Variants in TMEM175 observed in about 807,000 individuals in gnomAD.
TMEM175 encodes endosomal/lysosomal proton channel TMEM175.
A neutral mutation model predicts 36.5 loss-of-function variants in TMEM175; 36 were observed. The observed-to-expected ratio is 0.99, with a 90% CI of 0.76 to 1.30. TMEM175 has a LOEUF of 1.30. Ranked by LOEUF, TMEM175 falls within the 50% of genes most tolerant of loss-of-function variation. The probability of loss-of-function intolerance (pLI) is 0.00; values close to 1 mark genes in which losing one functional copy is unlikely to be tolerated. For missense variants in TMEM175, 705 were observed against 692.8 expected (o/e 1.02, Z -0.20); for synonymous variants, 339 against 313.4 (o/e 1.08, Z -0.86).
intron 1 of TMEM175, among the ~76,000 whole-genome samples, chr4:943,822 C>T (rs753691777): frequency 2.0e-5 from 3 of 152,140 alleles, no homozygotes; most frequent in African/African-American, 2.4e-5. Context: ...TGAAACAATA[C>T]ACACGTTTTT....
chr4:955,720 G>T (rs376468775), intron 9 of TMEM175, 35 bp from the exon 10 acceptor site: 4 of 1,604,220 alleles, frequency 2.5e-6, no homozygotes, highest in Middle Eastern at 3.7e-4. Context: ...CACATGGGGG[G>T]TTTGGCCAGC....
rs34645349 is a variant in TMEM175, at chr4:947,862, C to T, written c.123C>T (p.Asp41=). The part of the protein sequence containing the change: ...QCSQRMLSFS[D]ALLSIIATVM... The stretch of plus-strand genomic sequence containing the variant: ...CCCAACGCATGCTCAGCTTCAGTGA[C>T]GCCCTGCTGTCCATCATCGCCACCG... Residue 41 remains aspartate, a synonymous_variant, in exon 2 of 11, where the codon GAC becomes GAT. Coordinates refer to ENST00000264771, the MANE Select transcript of TMEM175 (RefSeq NM_032326.4). The T allele has an allele frequency of 1.3e-3, 2,081 of 1,613,666 alleles. 5 individuals carry two copies. Among genetic ancestry groups the T allele is most frequent in the Non-Finnish European group, 1.6e-3 (1,875 of 1,180,016 alleles).
chr4:934,938 C>A (rs1243789998), intron 1 of TMEM175, among the ~76,000 whole-genome samples: 1 of 152,150 alleles, frequency 6.6e-6, no homozygotes, highest in East Asian at 1.9e-4. Flanking sequence ...TGAAGGAATT[C>A]TCTAATGACT....
intron 4 of TMEM175, 143 bp from the exon 5 acceptor site, chr4:951,064 C>A (rs751837245): frequency 1.2e-6 from 1 of 827,694 alleles, no homozygotes; most frequent in Non-Finnish European, 2.0e-6. Flanking sequence ...TTCCAAACTC[C>A]GTGCACTAGG....
rs145355643 is a variant in TMEM175, at chr4:958,070, G to A, written c.1089G>A (p.Ser363=). ...GGLPLAYQQT[S]AFARQPRDEL... is the part of the protein sequence containing the mutation. ...TCCCACTAGCCTACCAGCAGACCTC[G>A]GCCTTCGCCCGGCAGCCCCGCGATG... Residue 363 remains serine, a synonymous_variant, in exon 11 of 11, where the codon TCG becomes TCA. Coordinates refer to ENST00000264771, the MANE Select transcript of TMEM175 (RefSeq NM_032326.4). The A allele has an allele frequency of 2.4e-4, 389 of 1,609,306 alleles. 1 individual carries two copies. The highest frequency in any genetic ancestry group is 1.5e-3 in the East Asian group (66 of 44,864).
chr4:952,654 G>A (rs1480322063), intron 7 of TMEM175, among the ~76,000 whole-genome samples: 15 of 145,694 alleles, frequency 1.0e-4, no homozygotes, highest in African/African-American at 3.3e-4. Context: ...GTGTGTGTGT[G>A]TGTGTTCACC....
At chr4:944,343 A>G (rs1393670261) in intron 1 of TMEM175, among the ~76,000 whole-genome samples, 1 of 152,188 alleles carries the variant, frequency 6.6e-6, no homozygotes, top group Non-Finnish European at 1.5e-5. Context: ...CAGAAAACAG[A>G]TCAGTGGTTG....
At chr4:956,726 A>G in intron 10 of TMEM175, 1 of 330,182 alleles carries the variant, frequency 3.0e-6, no homozygotes, top group Non-Finnish European at 5.9e-6. Context: ...TTACAGGTGT[A>G]AGCCACCGTG....
intron 5 of TMEM175, 65 bp downstream of exon 5, chr4:951,323 G>C (rs1333735965): frequency 8.2e-6 from 13 of 1,581,608 alleles, no homozygotes; most frequent in Non-Finnish European, 1.1e-5. Flanking sequence ...TCAGGGAAGA[G>C]GGGAAGGGAG....
intron 1 of TMEM175, among the ~76,000 whole-genome samples, chr4:938,493 G>C (rs1560471653): frequency 6.6e-6 from 1 of 151,978 alleles, no homozygotes; most frequent in Non-Finnish European, 1.5e-5. Flanking sequence ...AACAGAGTGA[G>C]ACTCGGTCTC....
At chr4:951,811 G>A in intron 6 of TMEM175, 94 bp downstream of exon 6, 16 of 1,341,818 alleles carry the variant, frequency 1.2e-5, no homozygotes, top group Non-Finnish European at 1.7e-5. Context: ...ATGGCCCAGG[G>A]CCCAGGCCAC....
At chr4:948,331 C>A in intron 3 of TMEM175, 177 bp downstream of exon 3, 4 of 1,540,330 alleles carry the variant, frequency 2.6e-6, no homozygotes, top group Non-Finnish European at 2.6e-6. Flanking sequence ...TCCTGCTCAG[C>A]CTGTGCTCAC....
chr4:956,255 C>T, intron 10 of TMEM175: 1 of 1,227,260 alleles, frequency 8.1e-7, no homozygotes, highest in Non-Finnish European at 1.0e-6. Flanking sequence ...ACCAGCCCCT[C>T]CTAGTCCCTA....
chr4:946,758 T>C (rs1164485204), intron 1 of TMEM175, among the ~76,000 whole-genome samples: 2 of 152,250 alleles, frequency 1.3e-5, no homozygotes, highest in South Asian at 2.1e-4. Context: ...CGGACTGGAG[T>C]GCCTGCCCTG....
At chr4:947,195 C>T (rs995003859) in intron 1 of TMEM175, among the ~76,000 whole-genome samples, 1 of 145,862 alleles carries the variant, frequency 6.9e-6, no homozygotes, top group Non-Finnish European at 1.5e-5. Flanking sequence ...TGAGGGAGAG[C>T]GCGGCCCCTG....
At position 958,050 on chromosome 4, in the gene TMEM175, C is replaced by T. The variant is rs1729971058; in HGVS notation, c.1069C>T (p.Leu357=). Reference sequence around the variant, plus strand: ...GCTGGCCTTCGTGGGTGGCCTCCCACTAGCCTACCAGCAGACCTCGGCCTT... The same window carrying T: ...GCTGGCCTTCGTGGGTGGCCTCCCATTAGCCTACCAGCAGACCTCGGCCTT... ...LSLAFVGGLP[L]AYQQTSAFAR... Residue 357 remains leucine, a synonymous_variant, in exon 11 of 11, where the codon CTA becomes TTA. Coordinates refer to ENST00000264771, the MANE Select transcript of TMEM175 (RefSeq NM_032326.4). The T allele has an allele frequency of 6.2e-7, 1 of 1,610,738 alleles. No homozygotes were observed. The highest frequency in any genetic ancestry group is 1.6e-4 in the Middle Eastern group (1 of 6,082).
intron 9 of TMEM175, 56 bp downstream of exon 9, chr4:955,539 G>A (rs1729501792): frequency 2.1e-5 from 33 of 1,562,506 alleles, no homozygotes; most frequent in Non-Finnish European, 2.8e-5. Flanking sequence ...CCACCTCCGT[G>A]CGGCTGCTCC....
chr4:945,786 C>G (rs1327170012), intron 1 of TMEM175, among the ~76,000 whole-genome samples: 1 of 152,142 alleles, frequency 6.6e-6, no homozygotes, highest in Non-Finnish European at 1.5e-5. Context: ...GGGCTCTCCC[C>G]ATACCCTTCC....
chr4:946,962 A>T (rs1485830058), intron 1 of TMEM175, among the ~76,000 whole-genome samples: 1 of 135,200 alleles, frequency 7.4e-6, no homozygotes, highest in Non-Finnish European at 1.6e-5. Flanking sequence ...CCCCTGTAGG[A>T]GACAGCCCCA....
Sources: gnomAD v4.1 joint callset for allele counts (sites outside exome capture counted in the v4.1 genomes callset) on GRCh38, gnomAD v4.1.1 for gene constraint, MANE v1.5 for transcripts, NCBI Gene and HGNC (gene_info 2026-07-23, HGNC 2026-07-21) for gene names.